The following MAGEC3 variants were observed in gnomAD, a reference collection of about 807,000 sequenced individuals.
MAGEC3 encodes the protein melanoma-associated antigen C3.
Under a neutral mutation model 35.3 loss-of-function variants are expected in MAGEC3, and 34 were observed. The ratio of observed to expected loss-of-function variants is 0.96; its 90% CI spans 0.73 to 1.28. MAGEC3 has a LOEUF of 1.28. MAGEC3 is among the 50% of genes most tolerant of loss of function. The pLI, the probability that MAGEC3 is intolerant of heterozygous loss-of-function variation, is 0.00. For synonymous variants in MAGEC3, 202 were observed against 185.6 expected (o/e 1.09, Z -0.72); for missense variants, 561 against 483.6 (o/e 1.16, Z -1.50).
At position 141,897,608 on chromosome X, in the gene MAGEC3, A is replaced by C. The variant is rs776020892; in HGVS notation, c.1729-21A>C. ...CCCAACAGTGCTCCTCCACGTTATG[A>C]ATTTTTGTGGGGTCCAAGAGCCCAT... On this transcript the variant is annotated intron_variant, in intron 7 of 7. Transcript: ENST00000298296. 4 of 1,199,316 alleles carry C rather than the reference A, an allele frequency of 3.3e-6. No homozygotes were observed. The African/African-American group carries it at 7.0e-5, about 21-fold the overall frequency.
intron 1 of MAGEC3, among the ~76,000 whole-genome samples, chrX:141,857,285 A>AT (rs1387870019): frequency 9.0e-6 from 1 of 111,002 alleles, no homozygotes; most frequent in Non-Finnish European, 1.9e-5. Flanking sequence ...AAATCCACTG[A>AT]TTTTTGCCTA....
intron 1 of MAGEC3, among the ~76,000 whole-genome samples, chrX:141,856,463 T>C (rs1275179657): frequency 7.2e-5 from 8 of 111,741 alleles, no homozygotes; most frequent in African/African-American, 2.3e-4. Context: ...TTTTAAAATA[T>C]TTAATGATTA....
intron 6 of MAGEC3, 53 bp from the exon 7 acceptor site, chrX:141,896,829 A>ATCCTCACCCTTG: frequency 8.3e-7 from 1 of 1,204,078 alleles, no homozygotes; most frequent in Non-Finnish European, 1.1e-6. Flanking sequence ...CCTTGTCCTC[A>ATCCTCACCCTTG]TCCTCACCCT....
chrX:141,896,563 A>ACACTGT (rs2018096751), intron 6 of MAGEC3: 5 of 1,188,012 alleles, frequency 4.2e-6, no homozygotes, highest in Admixed American at 4.6e-5. Context: ...GAAGCTACTC[A>ACACTGT]CACTGTCACT....
At chrX:141,871,216 C>A (rs1289092857) in intron 2 of MAGEC3, among the ~76,000 whole-genome samples, 3 of 111,471 alleles carry the variant, frequency 2.7e-5, no homozygotes. Flanking sequence ...GATTATTGGC[C>A]TTCAGGTGAG....
chrX:141,873,186 G>C (rs1181891473), intron 2 of MAGEC3, among the ~76,000 whole-genome samples: 1 of 111,481 alleles, frequency 9.0e-6, no homozygotes. Flanking sequence ...GAGGTTATCA[G>C]AGGCTTGGAC....
chrX:141,886,125 A>G (rs773249967), intron 4 of MAGEC3, among the ~76,000 whole-genome samples: 5 of 111,364 alleles, frequency 4.5e-5, no homozygotes, highest in African/African-American at 1.6e-4. Context: ...GAGGCAAAGC[A>G]GCAATCAGAA....
chrX:141,866,662 A>T (rs1443678705), intron 2 of MAGEC3, among the ~76,000 whole-genome samples: 1 of 112,488 alleles, frequency 8.9e-6, no homozygotes, highest in Non-Finnish European at 1.9e-5. Context: ...GCATAATTTC[A>T]AAGAGTAAAA....
At position 141,879,411 on chromosome X, in the gene MAGEC3, G is replaced by A. The variant is rs2017944149; in HGVS notation, c.495G>A (p.Leu165=). The stretch of plus-strand genomic sequence containing the variant: ...CTGCCGTCAGCCCTGGAAAAAGGTT[G>A]TGGGGGGAGAAAGCGGGGAGGTGGG... The part of the protein sequence containing the change: ...SLPAVSPGKR[L]WGEKAGSLPE... Residue 165 remains leucine (L), a synonymous_variant, in exon 3 of 8, where the codon TTG becomes TTA. Transcript: ENST00000298296. 1.7e-6 allele frequency: 2 copies of A among 1,183,098 alleles called. No individual in the cohort carries two copies. The highest frequency in any genetic ancestry group is 2.3e-6 in the Non-Finnish European group (2 of 880,321).
chrX:141,853,688 GAA>G (rs2124090274), intron 1 of MAGEC3, among the ~76,000 whole-genome samples: 1 of 111,552 alleles, frequency 9.0e-6, no homozygotes, highest in South Asian at 3.7e-4. Flanking sequence ...GAAAAAAAGA[GAA>G]AAGTAATTTT....
intron 3 of MAGEC3, among the ~76,000 whole-genome samples, chrX:141,881,162 CCTCCTCTTT>C (rs1004008824): frequency 9.0e-6 from 1 of 110,989 alleles, no homozygotes; most frequent in African/African-American, 3.3e-5. Flanking sequence ...TCCTCCTTCT[CCTCCTCTTT>C]CTCCTCTTCC....
intron 3 of MAGEC3, 49 bp from the exon 4 acceptor site, chrX:141,881,354 A>T: frequency 8.7e-7 from 1 of 1,155,091 alleles, no homozygotes; most frequent in Non-Finnish European, 1.2e-6. Flanking sequence ...AGCCCATTCA[A>T]TGAAGAGCCT....
At chrX:141,840,747 G>C (rs9887407) in intron 1 of MAGEC3, among the ~76,000 whole-genome samples, 1 of 107,653 alleles carries the variant, frequency 9.3e-6, no homozygotes, top group Non-Finnish European at 1.9e-5. Context: ...AAATTGGTCA[G>C]TGGGTAGTTA....
chrX:141,847,320 T>C (rs73238531), intron 1 of MAGEC3, among the ~76,000 whole-genome samples: 1,755 of 110,835 alleles, frequency 0.016, 20 homozygotes, highest in Non-Finnish European at 0.026. Flanking sequence ...TGGGCAGATT[T>C]ACCTCATTCA....
At chrX:141,866,528 C>T (rs1463042342) in intron 2 of MAGEC3, among the ~76,000 whole-genome samples, 1 of 112,047 alleles carries the variant, frequency 8.9e-6, no homozygotes, top group Non-Finnish European at 1.9e-5. Flanking sequence ...CTAGTGCAAC[C>T]TTTTTGGAAA....
At chrX:141,869,701 AAAT>A (rs1306749739) in intron 2 of MAGEC3, among the ~76,000 whole-genome samples, 1 of 112,206 alleles carries the variant, frequency 8.9e-6, no homozygotes, top group Non-Finnish European at 1.9e-5. Flanking sequence ...AATTAAAAGA[AAAT>A]AACGATTGTC....
rs1016126042 is a variant in MAGEC3, at chrX:141,896,222, C to T, written c.1124-660C>T. ...AGGAGTTGAAGACCTGGGTCTGAGG[C>T]ACACTTCCTAAAGTCAGCACAGCAG... On this transcript the variant is annotated intron_variant, in intron 6 of 7. Transcript: ENST00000298296. 62 of 319,652 alleles carry T rather than the reference C, an allele frequency of 1.9e-4. 1 individual carries two copies. The highest frequency in any genetic ancestry group is 1.6e-3 in the Middle Eastern group (1 of 628). 26.3% of individuals were successfully genotyped at this position (319,652 alleles called of 1,213,427 possible). A position where few individuals can be genotyped will look rare whatever the true frequency, so the allele number is the denominator to read the frequency against.
chrX:141,838,402 T>A lies in MAGEC3; in HGVS notation c.87T>A (p.Tyr29Ter), dbSNP rs147275986. 8.3e-7 allele frequency: 1 copy of A among 1,211,111 alleles called. No homozygotes were observed. The highest frequency in any genetic ancestry group is 1.7e-5 in the African/African-American group (1 of 57,818). The part of the protein sequence containing the change: ...GQWVKNTCAT[Y>*]ALSPVVLPPQ... ...GGGTGAAAAACACATGTGCCACATA[T>A]GCCTTATCCCCAGTGGTGCTCCCAC... is the stretch of plus-strand genomic sequence containing the variant. Residue 29 changes from tyrosine to a stop codon, truncating the protein, a stop_gained, in exon 1 of 8, where the codon TAT becomes TAA. Coordinates refer to ENST00000298296, the MANE Select transcript of MAGEC3 (RefSeq NM_138702.1). LOFTEE classifies it high-confidence loss of function.
intron 4 of MAGEC3, 121 bp downstream of exon 4, chrX:141,881,917 G>A (rs2017969638): frequency 1.0e-6 from 1 of 952,615 alleles, no homozygotes; most frequent in Admixed American, 2.4e-5. Flanking sequence ...TCCACGTTAT[G>A]AATTCCTGTG....
Sources: gnomAD v4.1 joint callset for allele counts (sites outside exome capture counted in the v4.1 genomes callset) on GRCh38, gnomAD v4.1.1 for gene constraint, MANE v1.5 for transcripts, NCBI Gene and HGNC (gene_info 2026-07-23, HGNC 2026-07-21) for gene names.